SERGEF: variants seen among roughly 807,000 people sequenced by gnomAD.
SERGEF encodes the protein secretion-regulating guanine nucleotide exchange factor.
SERGEF carries 51 observed loss-of-function variants against 50.0 expected under a neutral mutation model. The ratio of observed to expected loss-of-function variants is 1.02; its 90% CI spans 0.81 to 1.29. The LOEUF (loss-of-function observed/expected upper bound fraction) is 1.29, where lower values mean the gene tolerates loss of function less well. SERGEF is among the 50% of genes most tolerant of loss of function. The pLI is 0.00. For synonymous variants in SERGEF, 205 were observed against 212.4 expected (o/e 0.97, Z 0.30); for missense variants, 521 against 557.0 (o/e 0.94, Z 0.65).
At chr11:17,997,503 T>A (rs1853861435) in intron 5 of SERGEF, among the ~76,000 whole-genome samples, 1 of 152,178 alleles carries the variant, frequency 6.6e-6, no homozygotes, top group Non-Finnish European at 1.5e-5. Context: ...AATTACCATA[T>A]GAACTAATAA....
At chr11:17,981,137 T>A (rs1853488289) in intron 8 of SERGEF, among the ~76,000 whole-genome samples, 1 of 152,252 alleles carries the variant, frequency 6.6e-6, no homozygotes. Context: ...GGGTCACTCC[T>A]TCGGCCCTTG....
At chr11:17,841,374 G>A (rs1850499115) in intron 10 of SERGEF, among the ~76,000 whole-genome samples, 1 of 152,188 alleles carries the variant, frequency 6.6e-6, no homozygotes, top group Non-Finnish European at 1.5e-5. Flanking sequence ...TATGCACCCA[G>A]AAACCTGGGG....
At chr11:17,941,337 T>A (rs1852558994) in intron 9 of SERGEF, among the ~76,000 whole-genome samples, 1 of 152,214 alleles carries the variant, frequency 6.6e-6, no homozygotes, top group Non-Finnish European at 1.5e-5. Flanking sequence ...AGAACTCTTT[T>A]CATCTTGCAA....
intron 1 of SERGEF, among the ~76,000 whole-genome samples, chr11:18,012,038 A>C (rs927680235): frequency 2.0e-4 from 31 of 152,164 alleles, no homozygotes; most frequent in African/African-American, 6.0e-4. Context: ...TATTTCACTC[A>C]TGTGTATTTC....
intron 9 of SERGEF, among the ~76,000 whole-genome samples, chr11:17,946,422 G>A (rs1222761711): frequency 6.6e-6 from 1 of 152,156 alleles, no homozygotes. Context: ...CTGGGACTTG[G>A]TGTATGCTAC....
intron 10 of SERGEF, among the ~76,000 whole-genome samples, chr11:17,812,672 G>T (rs950522706): frequency 6.6e-6 from 1 of 152,124 alleles, no homozygotes; most frequent in Non-Finnish European, 1.5e-5. Flanking sequence ...TGACTTAATT[G>T]TACCTTTGAC....
At chr11:17,829,170 C>T (rs1850251597) in intron 10 of SERGEF, among the ~76,000 whole-genome samples, 1 of 152,206 alleles carries the variant, frequency 6.6e-6, no homozygotes, top group Non-Finnish European at 1.5e-5. Context: ...CCTGGCTCTG[C>T]TACTTGTTAC....
At chr11:17,917,822 C>T (rs1852078173) in intron 9 of SERGEF, among the ~76,000 whole-genome samples, 1 of 152,210 alleles carries the variant, frequency 6.6e-6, no homozygotes, top group South Asian at 2.1e-4. Context: ...AAATCAGATT[C>T]TGCATTTTAA....
chr11:17,922,712 C>A (rs150481863), intron 9 of SERGEF, among the ~76,000 whole-genome samples: 123 of 152,280 alleles, frequency 8.1e-4, no homozygotes, highest in African/African-American at 2.8e-3. Flanking sequence ...TCTTTTGTGT[C>A]CTCACTGTAT....
chr11:17,811,727 T>C (rs1251508217), intron 10 of SERGEF, among the ~76,000 whole-genome samples: 1 of 152,194 alleles, frequency 6.6e-6, no homozygotes, highest in Non-Finnish European at 1.5e-5. Context: ...AGTAGGTAAC[T>C]TCCAGGGAGC....
intron 8 of SERGEF, among the ~76,000 whole-genome samples, chr11:17,977,717 G>T (rs1191104395): frequency 1.3e-5 from 2 of 152,056 alleles, no homozygotes; most frequent in Non-Finnish European, 2.9e-5. Context: ...ATGAAGGTAG[G>T]GCCCTCATGA....
intron 9 of SERGEF, among the ~76,000 whole-genome samples, chr11:17,891,820 G>A (rs750021666): frequency 6.6e-6 from 1 of 152,164 alleles, no homozygotes; most frequent in Non-Finnish European, 1.5e-5. Context: ...AGTACAGACT[G>A]CCTCTCAAAG....
rs145917456 is a variant in SERGEF, at chr11:18,003,344, A to G, written c.447+1097T>C. 2.6e-3 allele frequency among the ~76,000 whole-genome samples: 398 copies of G among 152,374 alleles called. 2 individuals carry two copies. The highest frequency in any genetic ancestry group is 8.9e-3 in the African/African-American group (370 of 41,590). Reference sequence around the variant, plus strand: ...AAAGGGGTGATTTTAAGTATGATGCACTGAAGTAAAGAGCTCTGAACTAGA... The same window carrying G: ...AAAGGGGTGATTTTAAGTATGATGCGCTGAAGTAAAGAGCTCTGAACTAGA... On this transcript the variant is annotated intron_variant, in intron 4 of 10. Transcript: ENST00000265965.
intron 10 of SERGEF, among the ~76,000 whole-genome samples, chr11:17,830,631 A>C: frequency 1.2e-5 from 1 of 85,316 alleles, no homozygotes; most frequent in African/African-American, 4.9e-5. Flanking sequence ...AGAGAGGGAA[A>C]GGGGGAGGGA....
intron 8 of SERGEF, among the ~76,000 whole-genome samples, chr11:17,985,337 A>G (rs1853572464): frequency 1.3e-5 from 2 of 152,174 alleles, no homozygotes; most frequent in Admixed American, 1.3e-4. Flanking sequence ...AGGTTTTAAT[A>G]CCAGACTTCA....
At chr11:17,910,189 A>T (rs61882451) in intron 9 of SERGEF, among the ~76,000 whole-genome samples, 18,660 of 90,228 alleles carry the variant, frequency 0.21, 1,905 homozygotes, top group African/African-American at 0.38. Context: ...ACACACACAC[A>T]CACACTCTCT....
Position 17,992,970 on chromosome 11 carries a change from A to G in SERGEF, c.646T>C (p.Cys216Arg). Residue 216 changes from cysteine (C) to arginine (R), a missense_variant, in exon 7 of 11, where the codon TGT (cysteine) becomes CGT (arginine). By Grantham distance (180) the Cys-to-Arg change is radical. Coordinates refer to ENST00000265965, the MANE Select transcript of SERGEF (RefSeq NM_012139.4). Reference sequence around the variant, plus strand: ...GAGTGGTCTGAGCCAGCAAGAACACACATTGCTTTAGAATTCTCTAGACCT... The same window carrying G: ...GAGTGGTCTGAGCCAGCAAGAACACGCATTGCTTTAGAATTCTCTAGACCT... Reference protein sequence around the residue: ...VTGLENSKAMCVLAGSDHSAS... With the variant: ...VTGLENSKAMRVLAGSDHSAS... 1.2e-6 allele frequency: 2 copies of G among 1,614,144 alleles called. No homozygotes were observed. Among genetic ancestry groups the G allele is most frequent in the East Asian group, 2.2e-5 (1 of 44,886 alleles).
At chr11:17,880,613 T>C (rs1256000789) in intron 9 of SERGEF, among the ~76,000 whole-genome samples, 2 of 152,170 alleles carry the variant, frequency 1.3e-5, no homozygotes, top group Non-Finnish European at 2.9e-5. Context: ...TTTTCTTTTT[T>C]TCTATACTCC....
chr11:17,915,551 T>C (rs1019938446), intron 9 of SERGEF, among the ~76,000 whole-genome samples: 1 of 152,214 alleles, frequency 6.6e-6, no homozygotes. Context: ...AAAACTATTC[T>C]GAGGACCATT....
Sources: gnomAD v4.1 joint callset for allele counts (sites outside exome capture counted in the v4.1 genomes callset) on GRCh38, gnomAD v4.1.1 for gene constraint, MANE v1.5 for transcripts, NCBI Gene and HGNC (gene_info 2026-07-23, HGNC 2026-07-21) for gene names.